DNER: variants seen among roughly 807,000 people sequenced by gnomAD.
DNER encodes delta and Notch-like epidermal growth factor-related receptor.
Under a neutral mutation model 78.2 loss-of-function variants are expected in DNER, and 33 were observed. The observed-to-expected ratio is 0.42, with a 90% confidence interval of 0.32 to 0.56. DNER has a LOEUF of 0.56. DNER is among the 20% of genes least tolerant of loss of function. The probability of loss-of-function intolerance (pLI) is 0.11; values close to 1 mark genes in which losing one functional copy is unlikely to be tolerated. For synonymous variants in DNER, 417 were observed against 384.8 expected (o/e 1.08, Z -0.98); for missense variants, 918 against 975.3 (o/e 0.94, Z 0.78).
intron 6 of DNER, among the ~76,000 whole-genome samples, chr2:229,477,741 G>A (rs2154211341): frequency 6.6e-6 from 1 of 152,284 alleles, no homozygotes; most frequent in East Asian, 1.9e-4. Context: ...ACCCACCTGT[G>A]TTAATTCTGT....
intron 1 of DNER, among the ~76,000 whole-genome samples, chr2:229,659,574 C>T (rs1311422480): frequency 2.0e-5 from 3 of 152,070 alleles, no homozygotes; most frequent in African/African-American, 7.2e-5. Flanking sequence ...GATCTGGTCT[C>T]CATGAGCCTT....
At chr2:229,566,419 T>C (rs1357864872) in intron 4 of DNER, among the ~76,000 whole-genome samples, 1 of 152,196 alleles carries the variant, frequency 6.6e-6, no homozygotes, top group East Asian at 1.9e-4. Flanking sequence ...AGTGCATGTA[T>C]TTATTGCACT....
intron 9 of DNER, among the ~76,000 whole-genome samples, chr2:229,416,442 T>A (rs1361119028): frequency 3.9e-5 from 6 of 152,160 alleles, no homozygotes; most frequent in Non-Finnish European, 8.8e-5. Context: ...CAGGGATGGA[T>A]GGGCAGCCAA....
chr2:229,477,273 CATT>C lies in DNER; in HGVS notation c.1148-23_1148-21del. 6.3e-7 allele frequency: 1 copy of C among 1,583,188 alleles called. No individual in the cohort carries two copies. The highest frequency in any genetic ancestry group is 8.6e-7 in the Non-Finnish European group (1 of 1,156,078). On this transcript the variant is annotated intron_variant, in intron 6 of 12. Coordinates refer to ENST00000341772, the MANE Select transcript of DNER (RefSeq NM_139072.4). ...TATAACCTGAATAAAACAAAATGTACATTTTATAAAATAAGCTCTTCCAGACCC... is the reference window on the plus strand; with the variant it reads ...TATAACCTGAATAAAACAAAATGTACTTATAAAATAAGCTCTTCCAGACCC...
At chr2:229,710,933 A>G (rs1699902165) in intron 1 of DNER, among the ~76,000 whole-genome samples, 1 of 151,492 alleles carries the variant, frequency 6.6e-6, no homozygotes. Flanking sequence ...ATGGACACCC[A>G]CTCAAAATTT....
chr2:229,553,664 A>G (rs1045197015), intron 4 of DNER, among the ~76,000 whole-genome samples: 1 of 152,200 alleles, frequency 6.6e-6, no homozygotes, highest in Admixed American at 6.5e-5. Context: ...TCCCCCAGGC[A>G]AACACCTTGT....
At chr2:229,619,372 T>A (rs1047994677) in intron 1 of DNER, among the ~76,000 whole-genome samples, 2 of 152,092 alleles carry the variant, frequency 1.3e-5, no homozygotes, top group African/African-American at 4.8e-5. Context: ...AATTAGAAGC[T>A]ACACATTAGA....
chr2:229,584,702 G>A (rs532861817), intron 4 of DNER, among the ~76,000 whole-genome samples: 23 of 152,026 alleles, frequency 1.5e-4, no homozygotes, highest in Admixed American at 1.2e-3. Context: ...AGGCCGAGGC[G>A]GGTGGATCAC....
At chr2:229,496,121 C>T (rs1300911092) in intron 6 of DNER, among the ~76,000 whole-genome samples, 1 of 152,184 alleles carries the variant, frequency 6.6e-6, no homozygotes, top group Admixed American at 6.5e-5. Flanking sequence ...GGAAAACCAC[C>T]ACAGGCTTGA....
At chr2:229,648,435 C>T (rs1698757432) in intron 1 of DNER, among the ~76,000 whole-genome samples, 1 of 152,226 alleles carries the variant, frequency 6.6e-6, no homozygotes, top group African/African-American at 2.4e-5. Context: ...AACACTTAAG[C>T]TGTTCTGCAT....
chr2:229,423,170 G>A (rs147286846), intron 8 of DNER, among the ~76,000 whole-genome samples: 9 of 152,232 alleles, frequency 5.9e-5, no homozygotes, highest in African/African-American at 2.2e-4. Flanking sequence ...ATATTGCAAT[G>A]CCCTGGATAT....
At chr2:229,595,293 T>TG (rs1285693244) in intron 1 of DNER, among the ~76,000 whole-genome samples, 1 of 152,070 alleles carries the variant, frequency 6.6e-6, no homozygotes, top group African/African-American at 2.4e-5. Flanking sequence ...AATTTTTTTT[T>TG]TTTTTGAGAT....
chr2:229,700,398 T>G (rs1002587087), intron 1 of DNER, among the ~76,000 whole-genome samples: 1 of 149,734 alleles, frequency 6.7e-6, no homozygotes, highest in Non-Finnish European at 1.5e-5. Flanking sequence ...TGCAGTGGTG[T>G]GATCTCGGCT....
intron 5 of DNER, among the ~76,000 whole-genome samples, chr2:229,529,649 C>G (rs1376469605): frequency 6.6e-6 from 1 of 151,992 alleles, no homozygotes; most frequent in Non-Finnish European, 1.5e-5. Flanking sequence ...GGAAACCAAA[C>G]TAAGACCAGA....
chr2:229,416,519 A>G (rs1351210916), intron 9 of DNER, among the ~76,000 whole-genome samples: 1 of 152,162 alleles, frequency 6.6e-6, no homozygotes, highest in Non-Finnish European at 1.5e-5. Context: ...CAAGGCCACA[A>G]AAAATGGGGG....
chr2:229,393,538 A>C (rs557210762), intron 10 of DNER, among the ~76,000 whole-genome samples: 40 of 152,064 alleles, frequency 2.6e-4, no homozygotes, highest in African/African-American at 9.6e-4. Flanking sequence ...CTCAGAAAGA[A>C]AAAAGACTTT....
intron 4 of DNER, among the ~76,000 whole-genome samples, chr2:229,572,149 A>G (rs11695348): frequency 0.86 from 130,871 of 152,122 alleles, 56,737 homozygotes; most frequent in Non-Finnish European, 0.92. Context: ...CCGTGTTGTT[A>G]CTCACACCGT....
chr2:229,492,827 C>T (rs1009140021), intron 6 of DNER, among the ~76,000 whole-genome samples: 2 of 150,162 alleles, frequency 1.3e-5, no homozygotes, highest in South Asian at 2.2e-4. Context: ...TACCACCATG[C>T]GCAGCTAAGC....
chr2:229,624,543 T>C (rs1457687929), intron 1 of DNER, among the ~76,000 whole-genome samples: 2 of 152,110 alleles, frequency 1.3e-5, no homozygotes, highest in African/African-American at 2.4e-5. Flanking sequence ...TTCCAAACTT[T>C]TCTCCAAAAC....
Sources: gnomAD v4.1 joint callset for allele counts (sites outside exome capture counted in the v4.1 genomes callset) on GRCh38, gnomAD v4.1.1 for gene constraint, MANE v1.5 for transcripts, NCBI Gene and HGNC (gene_info 2026-07-23, HGNC 2026-07-21) for gene names.